CTXND1: variants seen among roughly 807,000 people sequenced by gnomAD.
CTXND1 encodes the protein cortexin domain containing 1.
At chr15:80,232,003 T>C (rs1201536031) in intron 1 of CTXND1, among the ~76,000 whole-genome samples, 1 of 152,122 alleles carries the variant, frequency 6.6e-6, no homozygotes, top group Non-Finnish European at 1.5e-5. Context: ...GGCGTGGAGC[T>C]TCTGGGGCCA....
At chr15:80,241,000 G>A (rs1484893941) in intron 1 of CTXND1, among the ~76,000 whole-genome samples, 1 of 152,208 alleles carries the variant, frequency 6.6e-6, no homozygotes, top group Admixed American at 6.5e-5. Flanking sequence ...AGAAAGTGTG[G>A]AAATGCTGCT....
chr15:80,197,457 G>A lies in CTXND1; in HGVS notation c.*4313C>T, dbSNP rs2041426089. On this transcript the variant is annotated 3_prime_UTR_variant, in exon 3 of 3. Transcript: ENST00000560778. ...TCTTTCATTAAACTGTCTTCAATCA[G>A]TGCTTCGTGTGTGCCATCTCTTTCC... 1 of 152,202 alleles carries A rather than the reference G, an allele frequency of 6.6e-6. No individual in the cohort carries two copies. The highest frequency in any genetic ancestry group is 1.5e-5 in the Non-Finnish European group (1 of 68,084). The allele number at this position is 152,202 out of a possible 1,614,324, so 9.4% of individuals were successfully genotyped here. A position where few individuals can be genotyped will look rare whatever the true frequency, so the allele number is the denominator to read the frequency against.
At chr15:80,227,781 T>C (rs1396251226) in intron 1 of CTXND1, among the ~76,000 whole-genome samples, 1 of 152,230 alleles carries the variant, frequency 6.6e-6, no homozygotes, top group Non-Finnish European at 1.5e-5. Flanking sequence ...TCTTGCCTAG[T>C]CGTTGAAGGC....
At chr15:80,240,947 C>T (rs1392350493) in intron 1 of CTXND1, among the ~76,000 whole-genome samples, 1 of 152,164 alleles carries the variant, frequency 6.6e-6, no homozygotes, top group Non-Finnish European at 1.5e-5. Flanking sequence ...GTGAGGGGGA[C>T]CCACTCGGGA....
chr15:80,245,969 A>T (rs1250129253), intron 1 of CTXND1, among the ~76,000 whole-genome samples: 2 of 152,182 alleles, frequency 1.3e-5, no homozygotes, highest in Non-Finnish European at 2.9e-5. Context: ...CACCAGAAAA[A>T]CACCAGGGAG....
chr15:80,201,656 G>T lies in CTXND1; in HGVS notation c.*114C>A. On this transcript the variant is annotated 3_prime_UTR_variant, in exon 3 of 3. Transcript: ENST00000560778. ...GCTGCACCTTCTGTTTCCCTGGGTG[G>T]CCAGATTCATTCCTTGCCTCTGTGG... is the stretch of plus-strand genomic sequence containing the variant. 2.5e-6 allele frequency: 1 copy of T among 397,478 alleles called. No homozygotes were observed. Among genetic ancestry groups the T allele is most frequent in the East Asian group, 3.6e-5 (1 of 28,064 alleles). 24.6% of individuals were successfully genotyped at this position (397,478 alleles called of 1,614,324 possible). A position where few individuals can be genotyped will look rare whatever the true frequency, so the allele number is the denominator to read the frequency against.
chr15:80,234,426 A>T (rs1426713908), intron 1 of CTXND1, among the ~76,000 whole-genome samples: 1 of 151,602 alleles, frequency 6.6e-6, no homozygotes, highest in Non-Finnish European at 1.5e-5. Flanking sequence ...GCTGTGTATT[A>T]TACACAGCAT....
intron 1 of CTXND1, among the ~76,000 whole-genome samples, chr15:80,250,847 C>G (rs1387811746): frequency 1.3e-5 from 2 of 152,104 alleles, no homozygotes; most frequent in African/African-American, 4.8e-5. Flanking sequence ...TTCGCAAAGA[C>G]CACAGATCAG....
intron 1 of CTXND1, among the ~76,000 whole-genome samples, chr15:80,231,660 G>A (rs1447493586): frequency 1.3e-5 from 2 of 152,148 alleles, no homozygotes; most frequent in African/African-American, 4.8e-5. Context: ...CTATTCCTGT[G>A]GCCTTTTTTT....
At chr15:80,245,922 G>T (rs1336149858) in intron 1 of CTXND1, among the ~76,000 whole-genome samples, 1 of 152,120 alleles carries the variant, frequency 6.6e-6, no homozygotes, top group Non-Finnish European at 1.5e-5. Flanking sequence ...CATTCTCACA[G>T]ATTCCACTTT....
chr15:80,211,380 T>G (rs1419891868), intron 1 of CTXND1, among the ~76,000 whole-genome samples: 1 of 152,154 alleles, frequency 6.6e-6, no homozygotes, highest in Non-Finnish European at 1.5e-5. Context: ...TTATGAAAGG[T>G]GACCTGTCAG....
At chr15:80,237,336 G>GAAAAAAAAAAAAAAAAAAA (rs201997173) in intron 1 of CTXND1, among the ~76,000 whole-genome samples, 2 of 101,578 alleles carry the variant, frequency 2.0e-5, no homozygotes, top group Non-Finnish European at 2.0e-5. Flanking sequence ...CAGTGTCTCA[G>GAAAAAAAAAAAAAAAAAAA]AAAAAAAAAA....
At chr15:80,213,897 T>G (rs1034971806) in intron 1 of CTXND1, among the ~76,000 whole-genome samples, 1 of 152,132 alleles carries the variant, frequency 6.6e-6, no homozygotes, top group South Asian at 2.1e-4. Flanking sequence ...AAAACCTTTC[T>G]AGCAATAAAA....
chr15:80,251,135 C>T (rs1337152357), intron 1 of CTXND1, among the ~76,000 whole-genome samples: 1 of 152,194 alleles, frequency 6.6e-6, no homozygotes, highest in Admixed American at 6.5e-5. Context: ...TTTCCTGGGT[C>T]CCGAGCCACA....
chr15:80,250,238 T>A (rs775787669), intron 1 of CTXND1, among the ~76,000 whole-genome samples: 1 of 152,214 alleles, frequency 6.6e-6, no homozygotes, highest in Non-Finnish European at 1.5e-5. Flanking sequence ...GCTGCCTCTT[T>A]CATTAACCCT....
At chr15:80,250,177 G>C (rs1349976815) in intron 1 of CTXND1, among the ~76,000 whole-genome samples, 5 of 152,204 alleles carry the variant, frequency 3.3e-5, no homozygotes, top group Non-Finnish European at 7.3e-5. Flanking sequence ...GCCAGGTAGT[G>C]TAAATATTTG....
intron 1 of CTXND1, among the ~76,000 whole-genome samples, chr15:80,210,290 G>A (rs1893191929): frequency 6.6e-6 from 1 of 152,152 alleles, no homozygotes; most frequent in Admixed American, 6.5e-5. Context: ...ATTAAGCATG[G>A]ATACTAAATT....
chr15:80,229,062 C>A (rs1322322595), intron 1 of CTXND1, among the ~76,000 whole-genome samples: 1 of 152,120 alleles, frequency 6.6e-6, no homozygotes, highest in East Asian at 1.9e-4. Context: ...CACTCCTGGT[C>A]CCAAGCACTT....
rs564418300 is a variant in CTXND1 at position 80,205,288 on chromosome 15, G to A, written c.-217-1548C>T. 2.0e-4 allele frequency among the ~76,000 whole-genome samples: 30 copies of A among 152,228 alleles called. No individual in the cohort carries two copies. In the East Asian group the frequency reaches 5.0e-3, roughly 25 times the overall value. On this transcript the variant is annotated intron_variant, in intron 1 of 2. Coordinates refer to ENST00000560778, the MANE Select transcript of CTXND1 (RefSeq NM_001352888.2). ...GAATTTCCAATCTTTTGTTTTTCAT[G>A]TATTGATGGAGTAAATGTCCTTGTA...
Sources: allele counts gnomAD v4.1 joint callset (sites outside exome capture counted in the v4.1 genomes callset), GRCh38; gene constraint gnomAD v4.1.1; transcripts MANE v1.5; gene names NCBI Gene and HGNC (gene_info 2026-07-23, HGNC 2026-07-21).